Variants in CYTH1 observed in about 807,000 individuals in gnomAD.
CYTH1 encodes the protein cytohesin-1.
In CYTH1, 18 loss-of-function variants were observed where a neutral mutation model predicts 61.8. That is an observed-to-expected ratio of 0.29 (90% CI 0.20 to 0.43). The LOEUF is 0.43. Ranked by LOEUF, CYTH1 falls within the 20% of genes least tolerant of loss-of-function variation. The pLI, the probability that CYTH1 is intolerant of heterozygous loss-of-function variation, is 1.00. For synonymous variants in CYTH1, 174 were observed against 184.3 expected (o/e 0.94, Z 0.45); for missense variants, 336 against 510.5 (o/e 0.66, Z 3.29).
intron 1 of CYTH1, among the ~76,000 whole-genome samples, chr17:78,747,145 CAAAAAAAA>C (rs56201341): frequency 6.9e-5 from 4 of 57,834 alleles, no homozygotes; most frequent in Admixed American, 2.7e-4. Flanking sequence ...ATGGCAGCGC[CAAAAAAAA>C]AAAAAAAAAA....
At chr17:78,686,541 C>T (rs574767830) in intron 11 of CYTH1, among the ~76,000 whole-genome samples, 5 of 152,128 alleles carry the variant, frequency 3.3e-5, no homozygotes, top group Admixed American at 6.5e-5. Flanking sequence ...TATGCAGTCT[C>T]GTAGAGAATG....
chr17:78,767,550 A>AATGGATGAATAGATGAACAAATGG (rs1555616310), intron 1 of CYTH1, among the ~76,000 whole-genome samples: 1,755 of 151,868 alleles, frequency 0.012, 15 homozygotes, highest in Non-Finnish European at 0.016. Flanking sequence ...TAGATGAACA[A>AATGGATGAATAGATGAACAAATGG]ATGGATGAAT....
At chr17:78,699,099 G>A in intron 7 of CYTH1, 131 bp from the exon 8 acceptor site, 1 of 1,089,602 alleles carries the variant, frequency 9.2e-7, no homozygotes, top group South Asian at 1.4e-5. Context: ...AGATGCAGTG[G>A]CTTACACCTG....
At chr17:78,701,562 CA>C in intron 6 of CYTH1, 108 bp downstream of exon 6, 1 of 1,039,764 alleles carries the variant, frequency 9.6e-7, no homozygotes, top group Non-Finnish European at 1.5e-6. Context: ...TCAAAATATT[CA>C]AATCATACCC....
chr17:78,709,183 T>C (rs1261072570), intron 2 of CYTH1: 1 of 157,964 alleles, frequency 6.3e-6, no homozygotes, highest in Non-Finnish European at 1.4e-5. Flanking sequence ...TCCAACTGTG[T>C]AGCAGGTGTT....
Position 78,702,165 on chromosome 17 carries a change from C to T in CYTH1, c.313G>A (p.Glu105Lys), listed in dbSNP as rs746860002. 1.2e-6 allele frequency: 2 copies of T among 1,614,184 alleles called. No homozygotes were observed. Among genetic ancestry groups the T allele is most frequent in the South Asian group, 1.1e-5 (1 of 91,090 alleles). The change falls in exon 5 of 14, where the codon GAA becomes AAA. Residue 105 changes from glutamate to lysine, a missense_variant. Coordinates refer to ENST00000446868, the MANE Select transcript of CYTH1 (RefSeq NM_004762.6). ...CCGATGGCTGTCTTGTTGAGCCCTTCGCCTTTATATAAGAACTGGGCAATG... is the reference window on the plus strand; with the variant it reads ...CCGATGGCTGTCTTGTTGAGCCCTTTGCCTTTATATAAGAACTGGGCAATG... ...EDIAQFLYKG[E>K]GLNKTAIGDY... is the part of the protein sequence containing the mutation.
intron 1 of CYTH1, among the ~76,000 whole-genome samples, chr17:78,729,817 C>T (rs2093283699): frequency 6.6e-6 from 1 of 152,196 alleles, no homozygotes; most frequent in African/African-American, 2.4e-5. Context: ...CCTACGCTTG[C>T]TAAACACACA....
intron 1 of CYTH1, among the ~76,000 whole-genome samples, chr17:78,775,983 C>T (rs963415526): frequency 7.2e-5 from 11 of 151,954 alleles, no homozygotes; most frequent in Non-Finnish European, 1.0e-4. Context: ...GGTGAAACCT[C>T]GTCTCTACTA....
At chr17:78,733,404 A>G (rs1383866785) in intron 1 of CYTH1, among the ~76,000 whole-genome samples, 3 of 152,214 alleles carry the variant, frequency 2.0e-5, no homozygotes, top group African/African-American at 7.2e-5. Context: ...CCTCGGGTAC[A>G]CTACCAATAG....
intron 1 of CYTH1, among the ~76,000 whole-genome samples, chr17:78,755,949 A>G (rs1024467870): frequency 6.6e-6 from 1 of 151,336 alleles, no homozygotes; most frequent in Non-Finnish European, 1.5e-5. Context: ...ACAAAACAAA[A>G]AGGGCCATGA....
chr17:78,698,213 A>G (rs1329002141), intron 9 of CYTH1, 56 bp downstream of exon 9: 1 of 1,430,658 alleles, frequency 7.0e-7, no homozygotes, highest in South Asian at 1.2e-5. Flanking sequence ...ACGCACACAC[A>G]CCGCCTTTCT....
At chr17:78,781,507 G>A (rs533342696) in intron 1 of CYTH1, among the ~76,000 whole-genome samples, 183 of 152,262 alleles carry the variant, frequency 1.2e-3, no homozygotes, top group Middle Eastern at 6.8e-3. Flanking sequence ...TCCCCACCGC[G>A]GTGCCCCTCG....
At chr17:78,701,550 CT>C (rs1249900372) in intron 6 of CYTH1, 120 bp downstream of exon 6, 3 of 962,468 alleles carry the variant, frequency 3.1e-6, no homozygotes, top group Non-Finnish European at 4.8e-6. Flanking sequence ...CTCCAAAATA[CT>C]TCAAAATATT....
rs1285572430 is a variant in CYTH1 at position 78,702,401 on chromosome 17, G to A, written c.237+137C>T. 3.1e-5 allele frequency: 32 copies of A among 1,042,278 alleles called. No individual in the cohort carries two copies. The Admixed American group carries it at 5.5e-4, about 18-fold the overall frequency. 64.6% of individuals were successfully genotyped at this position (1,042,278 alleles called of 1,614,324 possible). A position where few individuals can be genotyped will look rare whatever the true frequency, so the allele number is the denominator to read the frequency against. ...GGGGAGTCACAGTTTAGGAACAAGG[G>A]CTTAGTGCATAACATTTGCTCTACA... On this transcript the variant is annotated intron_variant, in intron 4 of 13. Coordinates refer to ENST00000446868, the MANE Select transcript of CYTH1 (RefSeq NM_004762.6).
At chr17:78,688,814 A>G (rs539528786) in intron 11 of CYTH1, among the ~76,000 whole-genome samples, 6 of 152,338 alleles carry the variant, frequency 3.9e-5, no homozygotes, top group Admixed American at 2.6e-4. Context: ...TGGTCACCAC[A>G]TATTCTACAA....
At chr17:78,683,825 T>TG (rs2092788667) in intron 11 of CYTH1, among the ~76,000 whole-genome samples, 1 of 152,192 alleles carries the variant, frequency 6.6e-6, no homozygotes, top group African/African-American at 2.4e-5. Flanking sequence ...GTTTTTACCC[T>TG]CCCCATTCTC....
At chr17:78,754,435 C>T (rs2093392970) in intron 1 of CYTH1, among the ~76,000 whole-genome samples, 1 of 152,054 alleles carries the variant, frequency 6.6e-6, no homozygotes, top group African/African-American at 2.4e-5. Flanking sequence ...CCTCAACCTC[C>T]CTGGTTTAAG....
chr17:78,756,993 T>C (rs569004394), intron 1 of CYTH1, among the ~76,000 whole-genome samples: 19 of 147,764 alleles, frequency 1.3e-4, no homozygotes, highest in African/African-American at 3.5e-4. Context: ...TTTTTCTTTT[T>C]TTTTTTTTTT....
At position 78,700,480 on chromosome 17, in the gene CYTH1, G is replaced by C. The variant is rs200418495; in HGVS notation, c.438-37C>G. The C allele has an allele frequency of 2.0e-6, 3 of 1,519,776 alleles. No homozygotes were observed. Among genetic ancestry groups the C allele is most frequent in the Non-Finnish European group, 2.7e-6 (3 of 1,121,928 alleles). The allele number at this position is 1,519,776 out of a possible 1,614,324, so 94.1% of individuals were successfully genotyped here. ...AAGACAGAGTGTTCCAGAACTTGGG[G>C]AGGCAATTTATTTCTCTATGAATTG... On this transcript the variant is annotated intron_variant, in intron 6 of 13. Transcript: ENST00000446868. This position sits in a 1 kb window ranked among gnomAD's most constrained non-coding sequence, Gnocchi z 5.1.
Sources: allele counts gnomAD v4.1 joint callset (sites outside exome capture counted in the v4.1 genomes callset), GRCh38; gene constraint gnomAD v4.1.1; non-coding constraint Gnocchi (gnomAD v3.1); transcripts MANE v1.5; gene names NCBI Gene and HGNC (gene_info 2026-07-23, HGNC 2026-07-21).